Variants in FAM210A observed in about 807,000 individuals in gnomAD.
The protein encoded by FAM210A is family with sequence similarity 210 member A.
In FAM210A, 13 loss-of-function variants were observed where a neutral mutation model predicts 25.3. The observed-to-expected ratio is 0.51, with a 90% CI of 0.33 to 0.82. The LOEUF (loss-of-function observed/expected upper bound fraction) is 0.82, where lower values mean the gene tolerates loss of function less well. Ranked by LOEUF, FAM210A falls within the 40% of genes least tolerant of loss-of-function variation. FAM210A has a pLI of 0.02. For synonymous variants in FAM210A, 125 were observed against 118.7 expected, an observed-to-expected ratio of 1.05 and a Z score of -0.35; for missense variants, 319 against 323.2, an observed-to-expected ratio of 0.99 and a Z score of 0.10.
At chr18:13,695,826 C>T (rs183047973) in intron 1 of FAM210A, among the ~76,000 whole-genome samples, 90 of 152,056 alleles carry the variant, frequency 5.9e-4, no homozygotes, top group Non-Finnish European at 1.0e-3. Context: ...CAAACCGGCA[C>T]GTTGTGCACA....
In FAM210A at chr18:13,671,956, G is replaced by C. The variant is rs1365290148; in HGVS notation, c.491C>G (p.Pro164Arg). Residue 164 changes from proline (P) to arginine (R), a missense_variant, in exon 3 of 4, where the codon CCT becomes CGT. Coordinates refer to ENST00000651643, the MANE Select transcript of FAM210A (RefSeq NM_152352.4). ...AGGTAACCCAATGAGTTCTAGAAAA[G>C]GAACGACATTCACTCCTCTACAAAA... ...YAALKGVNVV[P>R]FLELIGLPDS... 6.2e-7 allele frequency: 1 copy of C among 1,610,490 alleles called. No individual in the cohort carries two copies. Among genetic ancestry groups the C allele is most frequent in the East Asian group, 2.2e-5 (1 of 44,792 alleles).
At chr18:13,710,723 C>T (rs745392807) in intron 1 of FAM210A, among the ~76,000 whole-genome samples, 3 of 152,122 alleles carry the variant, frequency 2.0e-5, no homozygotes, top group South Asian at 2.1e-4. Flanking sequence ...ACACAAAGAC[C>T]GTTTTCCACA....
intron 1 of FAM210A, among the ~76,000 whole-genome samples, chr18:13,703,781 A>G (rs2043758514): frequency 6.6e-6 from 1 of 152,240 alleles, no homozygotes; most frequent in South Asian, 2.1e-4. Flanking sequence ...TGAAAGAAAA[A>G]TAAAAACTGT....
rs201164603 is a variant in FAM210A, at chr18:13,681,700, G to A, written c.378C>T (p.Phe126=). ...TTCCATACTGTCTAAATGTCTTCTT[G>A]AATCGTTGATAAAGACTAATAGATT... The part of the protein sequence containing the change: ...QDKSISLYQR[F]KKTFRQYGKV... Residue 126 remains phenylalanine (F), a synonymous_variant, in exon 2 of 4, where the codon TTC becomes TTT. Transcript: ENST00000651643. The A allele has an allele frequency of 1.2e-5, 20 of 1,614,050 alleles. No homozygotes were observed. Among genetic ancestry groups the A allele is most frequent in the Middle Eastern group, 1.6e-4 (1 of 6,084 alleles).
intron 1 of FAM210A, among the ~76,000 whole-genome samples, chr18:13,724,251 G>A (rs910676183): frequency 6.6e-6 from 1 of 152,052 alleles, no homozygotes; most frequent in Non-Finnish European, 1.5e-5. Context: ...TATTTGCTAG[G>A]CAACGTCCAG....
At chr18:13,690,336 A>G (rs2043632596) in intron 1 of FAM210A, among the ~76,000 whole-genome samples, 1 of 152,228 alleles carries the variant, frequency 6.6e-6, no homozygotes, top group Admixed American at 6.5e-5. Flanking sequence ...GTCAAGGCAT[A>G]GCCGAACAAA....
At position 13,666,306 on chromosome 18, in the gene FAM210A, A is replaced by C; in HGVS notation, c.*174T>G. On this transcript the variant is annotated 3_prime_UTR_variant, in exon 4 of 4. Transcript: ENST00000651643. ...TGGGTTCATTTCTTCCCTTGTAATA[A>C]CACTGATTTTTCTAGTGATATTTAA... is the stretch of plus-strand genomic sequence containing the variant. 6.6e-6 allele frequency: 4 copies of C among 602,688 alleles called. No individual in the cohort carries two copies. Among genetic ancestry groups the C allele is most frequent in the Non-Finnish European group, 1.2e-5 (4 of 343,226 alleles). The allele number at this position is 602,688 out of a possible 1,614,324, so 37.3% of individuals were successfully genotyped here.
chr18:13,714,996 T>C (rs2043848965), intron 1 of FAM210A: 1 of 152,130 alleles, frequency 6.6e-6, no homozygotes, highest in Non-Finnish European at 1.5e-5. Context: ...TGAAGATATA[T>C]TGGTTACTGG....
intron 1 of FAM210A, among the ~76,000 whole-genome samples, chr18:13,698,170 T>C (rs545664873): frequency 4.0e-4 from 61 of 151,858 alleles, no homozygotes; most frequent in African/African-American, 1.5e-3. Context: ...CTGCCCAACA[T>C]GGTAAAACCC....
At position 13,681,669 on chromosome 18, in the gene FAM210A, G is replaced by T; in HGVS notation, c.409C>A (p.Leu137Met). ...KKTFRQYGKVLIPVHLITSGV... is the reference protein window; with the variant it reads ...KKTFRQYGKVMIPVHLITSGV... ...GAAGTTATTAGATGCACTGGAATCA[G>T]AACTTTTCCATACTGTCTAAATGTC... is the stretch of plus-strand genomic sequence containing the variant. The change falls in exon 2 of 4, where the codon CTG (leucine) becomes ATG (methionine). Residue 137 changes from leucine to methionine, a missense_variant. Physicochemically the swap from Leu to Met is conservative, Grantham distance 15 (BLOSUM62 2). Coordinates refer to ENST00000651643, the MANE Select transcript of FAM210A (RefSeq NM_152352.4). 1 of 1,613,726 alleles carries T rather than the reference G, an allele frequency of 6.2e-7. No individual in the cohort carries two copies. The highest frequency in any genetic ancestry group is 1.7e-4 in the Middle Eastern group (1 of 6,058).
intron 1 of FAM210A, among the ~76,000 whole-genome samples, chr18:13,717,169 C>T (rs1263114013): frequency 5.9e-5 from 9 of 152,158 alleles, no homozygotes; most frequent in African/African-American, 1.7e-4. Context: ...ACCATCTGCC[C>T]TTTCTTACAT....
intron 1 of FAM210A, among the ~76,000 whole-genome samples, chr18:13,682,655 G>A (rs2043565442): frequency 6.6e-6 from 1 of 150,914 alleles, no homozygotes; most frequent in Non-Finnish European, 1.5e-5. Flanking sequence ...GATCGCTTGA[G>A]GTCAGGAGTT....
At chr18:13,673,208 T>C (rs1344869301) in intron 2 of FAM210A, among the ~76,000 whole-genome samples, 3 of 148,684 alleles carry the variant, frequency 2.0e-5, no homozygotes, top group African/African-American at 7.5e-5. Flanking sequence ...CCGACTTCTT[T>C]ATTTCCAGTT....
intron 1 of FAM210A, among the ~76,000 whole-genome samples, chr18:13,709,706 T>A (rs538153260): frequency 3.3e-5 from 5 of 152,208 alleles, no homozygotes; most frequent in Non-Finnish European, 7.3e-5. Flanking sequence ...TTTCATTGCA[T>A]CCCAGGTGCC....
chr18:13,702,809 G>A (rs2043751335), intron 1 of FAM210A, among the ~76,000 whole-genome samples: 1 of 152,170 alleles, frequency 6.6e-6, no homozygotes, highest in Non-Finnish European at 1.5e-5. Context: ...ACCATTTGTT[G>A]ATTCTCTTCC....
At chr18:13,666,743 A>G in intron 3 of FAM210A, 30 bp from the exon 4 acceptor site, 2 of 1,581,524 alleles carry the variant, frequency 1.3e-6, no homozygotes, top group South Asian at 1.1e-5. Context: ...GAGGCAAATC[A>G]AAACCTGGTT....
chr18:13,681,830 T>C lies in FAM210A; in HGVS notation c.248A>G (p.His83Arg), dbSNP rs1466065635. ...TGAAACATGTTGCTTCCCTTGCTTA[T>C]GGCGAAGGACTCCTGGTTGGGGTGG... ...AHPPQPGVLR[H>R]KQGKQHVSFR... Residue 83 changes from histidine (H) to arginine (R), a missense_variant, in exon 2 of 4, where the codon CAT becomes CGT. By Grantham distance (29) the His-to-Arg change is conservative (BLOSUM62 0). Coordinates refer to ENST00000651643, the MANE Select transcript of FAM210A (RefSeq NM_152352.4). 4 of 1,614,108 alleles carry C rather than the reference T, an allele frequency of 2.5e-6. No homozygotes were observed. Among genetic ancestry groups the C allele is most frequent in the Admixed American group, 1.7e-5 (1 of 60,006 alleles).
chr18:13,709,310 G>A (rs919732683), intron 1 of FAM210A, among the ~76,000 whole-genome samples: 14 of 152,060 alleles, frequency 9.2e-5, no homozygotes, highest in African/African-American at 1.4e-4. Flanking sequence ...TACCCATGAC[G>A]GCATCTCTCT....
intron 1 of FAM210A, among the ~76,000 whole-genome samples, chr18:13,683,256 A>C (rs1404052628): frequency 6.6e-6 from 1 of 152,224 alleles, no homozygotes; most frequent in Non-Finnish European, 1.5e-5. Context: ...CCTTCGGACT[A>C]AGTTATCAAG....
Sources: gnomAD v4.1 joint callset for allele counts (sites outside exome capture counted in the v4.1 genomes callset) on GRCh38, gnomAD v4.1.1 for gene constraint, MANE v1.5 for transcripts, NCBI Gene and HGNC (gene_info 2026-07-23, HGNC 2026-07-21) for gene names.